The following LRP1B variants were observed in gnomAD, a reference collection of about 807,000 sequenced individuals.
LRP1B encodes low-density lipoprotein receptor-related protein 1B.
LRP1B carries 217 observed loss-of-function variants against 556.6 expected under a neutral mutation model. That is an observed-to-expected ratio of 0.39 (90% CI 0.35 to 0.44). LRP1B has a LOEUF of 0.44. LRP1B is among the 20% of genes least tolerant of loss of function. The probability of loss-of-function intolerance (pLI) is 1.00; values close to 1 mark genes in which losing one functional copy is unlikely to be tolerated. For missense variants in LRP1B, 5,053 were observed against 5,620.8 expected (o/e 0.90, Z 3.23); for synonymous variants, 2,047 against 1,865.8 (o/e 1.10, Z -2.50).
intron 27 of LRP1B, among the ~76,000 whole-genome samples, chr2:140,857,588 A>G (rs1017900333): frequency 6.6e-5 from 10 of 152,118 alleles, no homozygotes; most frequent in Admixed American, 2.0e-4. Context: ...CTTTACTTTC[A>G]CCAGATTCTA....
chr2:141,564,669 C>T (rs531980650), intron 2 of LRP1B, among the ~76,000 whole-genome samples: 5 of 152,064 alleles, frequency 3.3e-5, no homozygotes, highest in African/African-American at 9.6e-5. Flanking sequence ...AATGGGACAT[C>T]AGTACTAGAA....
At chr2:141,459,873 G>A (rs562288616) in intron 3 of LRP1B, among the ~76,000 whole-genome samples, 1 of 152,248 alleles carries the variant, frequency 6.6e-6, no homozygotes, top group East Asian at 1.9e-4. Flanking sequence ...CAGAAGGCAT[G>A]GATATGCAAA....
intron 7 of LRP1B, among the ~76,000 whole-genome samples, chr2:141,085,991 G>T (rs1474359978): frequency 6.6e-6 from 1 of 152,088 alleles, no homozygotes; most frequent in African/African-American, 2.4e-5. Flanking sequence ...TTACATATTT[G>T]GTGATACTAC....
At chr2:140,938,769 A>T (rs1695305477) in intron 20 of LRP1B, among the ~76,000 whole-genome samples, 1 of 151,592 alleles carries the variant, frequency 6.6e-6, no homozygotes, top group Non-Finnish European at 1.5e-5. Context: ...ACATACATTA[A>T]CTCCCTTTTC....
chr2:140,952,087 A>G (rs1309516417), intron 18 of LRP1B, 147 bp from the exon 19 acceptor site: 2 of 628,004 alleles, frequency 3.2e-6, no homozygotes, highest in African/African-American at 1.8e-5. Flanking sequence ...TACAGTGACT[A>G]TAACTTCTTG....
chr2:141,985,328 C>T (rs1169303385), intron 1 of LRP1B, among the ~76,000 whole-genome samples: 1 of 152,104 alleles, frequency 6.6e-6, no homozygotes, highest in Non-Finnish European at 1.5e-5. Flanking sequence ...TTCAAGGATG[C>T]AAAGGAGCTT....
At chr2:140,618,927 C>T (rs1683352510) in intron 41 of LRP1B, among the ~76,000 whole-genome samples, 1 of 152,012 alleles carries the variant, frequency 6.6e-6, no homozygotes, top group African/African-American at 2.4e-5. Flanking sequence ...TAAAATGGGA[C>T]CTCTAATTCC....
intron 2 of LRP1B, among the ~76,000 whole-genome samples, chr2:141,804,942 C>T (rs1193045949): frequency 6.6e-6 from 1 of 152,032 alleles, no homozygotes; most frequent in East Asian, 1.9e-4. Context: ...GCAGCAGAAG[C>T]CAAGGAGGAG....
intron 87 of LRP1B, among the ~76,000 whole-genome samples, chr2:140,244,833 C>T (rs931239874): frequency 2.0e-5 from 3 of 151,308 alleles, no homozygotes; most frequent in Admixed American, 1.3e-4. Flanking sequence ...GATTTGAAAA[C>T]ACATTCCTAA....
At chr2:140,481,236 G>A (rs1688225369) in intron 59 of LRP1B, among the ~76,000 whole-genome samples, 1 of 152,100 alleles carries the variant, frequency 6.6e-6, no homozygotes, top group Non-Finnish European at 1.5e-5. Context: ...AGGATTTGGG[G>A]TTCTTTTTTT....
intron 87 of LRP1B, among the ~76,000 whole-genome samples, chr2:140,244,275 A>G (rs1253598492): frequency 6.6e-6 from 1 of 151,286 alleles, no homozygotes; most frequent in Admixed American, 6.6e-5. Context: ...ATAATGGATG[A>G]TACAAAATGA....
chr2:141,923,973 T>G (rs1368529098), intron 1 of LRP1B, among the ~76,000 whole-genome samples: 1 of 152,050 alleles, frequency 6.6e-6, no homozygotes, highest in Non-Finnish European at 1.5e-5. Context: ...AAAAGCATGC[T>G]ATTGATATGG....
rs527404630 is a variant in LRP1B at position 141,633,125 on chromosome 2, C to A, written c.206-152592G>T. Among the ~76,000 whole-genome samples the A allele has an allele frequency of 2.2e-4, 34 of 152,154 alleles. No individual in the cohort carries two copies. In the South Asian group the frequency reaches 7.0e-3, roughly 32 times the overall value. ...CCTTCTTTGATATTGCCTTTGCCCACCCTGAGAATAAGATGATAATTAGCC... is the reference window on the plus strand; with the variant it reads ...CCTTCTTTGATATTGCCTTTGCCCAACCTGAGAATAAGATGATAATTAGCC... On this transcript the variant is annotated intron_variant, in intron 2 of 90. Transcript: ENST00000389484.
At chr2:140,438,638 T>C (rs1431787729) in intron 66 of LRP1B, among the ~76,000 whole-genome samples, 2 of 152,192 alleles carry the variant, frequency 1.3e-5, no homozygotes, top group African/African-American at 2.4e-5. Flanking sequence ...ACAAAGATAC[T>C]GTAAAAAGTT....
chr2:141,253,541 C>A (rs999077847), intron 4 of LRP1B, among the ~76,000 whole-genome samples: 3 of 152,044 alleles, frequency 2.0e-5, no homozygotes, highest in Non-Finnish European at 2.9e-5. Context: ...GAGTTTCAGT[C>A]CCAATTCTAT....
At chr2:140,831,307 T>C (rs945617909) in intron 31 of LRP1B, among the ~76,000 whole-genome samples, 1 of 152,068 alleles carries the variant, frequency 6.6e-6, no homozygotes, top group Non-Finnish European at 1.5e-5. Context: ...AACGGCATGG[T>C]GCGATATAAA....
At chr2:141,865,615 A>AG (rs2105793252) in intron 1 of LRP1B, among the ~76,000 whole-genome samples, 1 of 151,738 alleles carries the variant, frequency 6.6e-6, no homozygotes, top group East Asian at 1.9e-4. Context: ...AAAGAAAAAA[A>AG]AAAAGAAAAA....
intron 7 of LRP1B, among the ~76,000 whole-genome samples, chr2:141,137,501 G>A (rs999113862): frequency 1.3e-5 from 2 of 151,848 alleles, no homozygotes; most frequent in African/African-American, 4.8e-5. Flanking sequence ...GGAAAGAAAA[G>A]GCTACAAAAT....
At chr2:140,237,892 TA>T (rs1191110271) in intron 89 of LRP1B, among the ~76,000 whole-genome samples, 2 of 150,912 alleles carry the variant, frequency 1.3e-5, no homozygotes, top group Admixed American at 6.6e-5. Flanking sequence ...CATTTTTCAA[TA>T]AAAAACATAT....
Sources: gnomAD v4.1 joint callset for allele counts (sites outside exome capture counted in the v4.1 genomes callset) on GRCh38, gnomAD v4.1.1 for gene constraint, MANE v1.5 for transcripts, NCBI Gene and HGNC (gene_info 2026-07-23, HGNC 2026-07-21) for gene names.